The following FHIT variants were observed in gnomAD, a reference collection of about 807,000 sequenced individuals.
FHIT encodes the protein bis(5'-adenosyl)-triphosphatase.
A neutral mutation model predicts 17.9 loss-of-function variants in FHIT; 19 were observed. The observed-to-expected ratio is 1.06, with a 90% CI of 0.74 to 1.56. The LOEUF is 1.56. Ranked by LOEUF, FHIT falls within the 40% of genes most tolerant of loss-of-function variation. The pLI is 0.00. For missense variants in FHIT, 248 were observed against 189.2 expected, an observed-to-expected ratio of 1.31 and a Z score of -1.82; for synonymous variants, 81 against 69.7, an observed-to-expected ratio of 1.16 and a Z score of -0.81.
chr3:60,750,916 C>G (rs190266222), intron 4 of FHIT, among the ~76,000 whole-genome samples: 1 of 152,324 alleles, frequency 6.6e-6, no homozygotes, highest in Non-Finnish European at 1.5e-5. Flanking sequence ...AATCCCACCC[C>G]TCTTAATACT....
At position 60,239,622 on chromosome 3, in the gene FHIT, G is replaced by C. The variant is rs543189836; in HGVS notation, c.104-225470C>G. 6.4e-4 allele frequency among the ~76,000 whole-genome samples: 98 copies of C among 152,228 alleles called. 1 individual carries two copies. The highest frequency in any genetic ancestry group is 6.8e-3 in the Middle Eastern group (2 of 294). ...ATGAAAAATAAGTGAAGAGGCTTTA[G>C]AGTTCCTAGGATCTCCACTGGATTT... On this transcript the variant is annotated intron_variant, in intron 5 of 9. Coordinates refer to ENST00000492590, the MANE Select transcript of FHIT (RefSeq NM_002012.4).
intron 7 of FHIT, among the ~76,000 whole-genome samples, chr3:60,010,644 A>G (rs957675415): frequency 2.6e-5 from 4 of 152,226 alleles, no homozygotes; most frequent in Non-Finnish European, 5.9e-5. Flanking sequence ...ACTTAGGTGC[A>G]GAATCTACCC....
chr3:59,967,718 C>A (rs1175702540), intron 7 of FHIT, among the ~76,000 whole-genome samples: 1 of 151,968 alleles, frequency 6.6e-6, no homozygotes, highest in African/African-American at 2.4e-5. Context: ...TGGATAAGCC[C>A]AGTAGATCCA....
At chr3:60,150,152 C>G (rs1013547495) in intron 5 of FHIT, among the ~76,000 whole-genome samples, 1 of 151,682 alleles carries the variant, frequency 6.6e-6, no homozygotes, top group Non-Finnish European at 1.5e-5. Flanking sequence ...ATGCGCCCCC[C>G]ACGCCCGGCT....
intron 5 of FHIT, among the ~76,000 whole-genome samples, chr3:60,387,020 A>ATTTTTTTTTT (rs1701038031): frequency 1.4e-5 from 1 of 70,792 alleles, no homozygotes; most frequent in African/African-American, 4.3e-5. Flanking sequence ...AATTCTATTT[A>ATTTTTTTTTT]TTCTTTTTTT....
intron 5 of FHIT, among the ~76,000 whole-genome samples, chr3:60,173,983 G>A (rs1289856710): frequency 7.1e-6 from 1 of 139,884 alleles, no homozygotes; most frequent in African/African-American, 2.7e-5. Flanking sequence ...GCGCGATCTT[G>A]GTTCACTGCA....
chr3:60,094,676 C>T (rs1703866273), intron 5 of FHIT, among the ~76,000 whole-genome samples: 1 of 152,108 alleles, frequency 6.6e-6, no homozygotes, highest in African/African-American at 2.4e-5. Context: ...TCATTTTCCC[C>T]TACACCTTGA....
intron 7 of FHIT, among the ~76,000 whole-genome samples, chr3:59,935,970 A>C (rs1252691061): frequency 6.6e-6 from 1 of 152,186 alleles, no homozygotes; most frequent in Non-Finnish European, 1.5e-5. Flanking sequence ...CCCACTGAAA[A>C]GTATCTTTTT....
chr3:61,031,150 G>C (rs1393852885), intron 3 of FHIT, among the ~76,000 whole-genome samples: 1 of 152,116 alleles, frequency 6.6e-6, no homozygotes, highest in East Asian at 1.9e-4. Flanking sequence ...TTAATTCAAG[G>C]TCATGTTCAG....
intron 5 of FHIT, among the ~76,000 whole-genome samples, chr3:60,340,320 G>C (rs965987277): frequency 2.0e-5 from 3 of 152,090 alleles, no homozygotes; most frequent in African/African-American, 7.2e-5. Flanking sequence ...GGCTTTCTTT[G>C]GTGACTCTTC....
At chr3:59,894,053 G>C (rs1703963423) in intron 8 of FHIT, among the ~76,000 whole-genome samples, 2 of 152,158 alleles carry the variant, frequency 1.3e-5, no homozygotes, top group South Asian at 2.1e-4. Context: ...GATCACTTTA[G>C]ACCAGCCTGG....
chr3:60,479,682 T>C (rs2033516303), intron 5 of FHIT, among the ~76,000 whole-genome samples: 1 of 152,216 alleles, frequency 6.6e-6, no homozygotes, highest in South Asian at 2.1e-4. Flanking sequence ...TGAGCATTAC[T>C]GCCTGAGCTC....
At chr3:59,999,095 G>C (rs540897639) in intron 7 of FHIT, among the ~76,000 whole-genome samples, 2 of 152,150 alleles carry the variant, frequency 1.3e-5, no homozygotes, top group South Asian at 2.1e-4. Flanking sequence ...ATAATCCATT[G>C]ATGTCCCTGA....
intron 5 of FHIT, among the ~76,000 whole-genome samples, chr3:60,136,208 C>A (rs77632034): frequency 6.6e-6 from 1 of 152,100 alleles, no homozygotes; most frequent in Non-Finnish European, 1.5e-5. Context: ...TGGCACAACA[C>A]AAGGAGAGGA....
At chr3:61,204,872 G>A (rs561902565) in intron 1 of FHIT, among the ~76,000 whole-genome samples, 11 of 152,026 alleles carry the variant, frequency 7.2e-5, no homozygotes, top group East Asian at 3.9e-4. Context: ...TGTGCACAAC[G>A]TGCAAGTTTG....
intron 5 of FHIT, among the ~76,000 whole-genome samples, chr3:60,330,710 G>T (rs1303512122): frequency 6.6e-6 from 1 of 152,186 alleles, no homozygotes; most frequent in Non-Finnish European, 1.5e-5. Context: ...GTTCTTTACA[G>T]AAGTGAAAGA....
At chr3:60,646,421 A>C (rs1290928595) in intron 4 of FHIT, among the ~76,000 whole-genome samples, 5 of 152,204 alleles carry the variant, frequency 3.3e-5, no homozygotes, top group Non-Finnish European at 5.9e-5. Flanking sequence ...GTTAAGTCAG[A>C]TGCCTAATTA....
chr3:60,531,803 A>G (rs2035797043), intron 5 of FHIT, among the ~76,000 whole-genome samples: 1 of 152,322 alleles, frequency 6.6e-6, no homozygotes, highest in South Asian at 2.1e-4. Flanking sequence ...AACACTCAAC[A>G]TGGTAACGGT....
rs1181915724 is a variant in FHIT, at chr3:61,203,349, C to CA, written c.-212-2685dup. ...GGGCAACAAGAGAGAAACTTTTTCTCAAAAAAAAAAAAAGAAAAATTATAT... is the reference window on the plus strand; with the variant it reads ...GGGCAACAAGAGAGAAACTTTTTCTCAAAAAAAAAAAAAAGAAAAATTATAT... On this transcript the variant is annotated intron_variant, in intron 1 of 9. Transcript: ENST00000492590. Among the ~76,000 whole-genome samples the CA allele has an allele frequency of 4.3e-3, 479 of 112,518 alleles. 3 individuals carry two copies. The highest frequency in any genetic ancestry group is 0.011 in the East Asian group (43 of 3,954). 73.8% of individuals were successfully genotyped at this position (112,518 alleles called of 152,430 possible).
Sources: allele counts gnomAD v4.1 joint callset (sites outside exome capture counted in the v4.1 genomes callset), GRCh38; gene constraint gnomAD v4.1.1; transcripts MANE v1.5; gene names NCBI Gene and HGNC (gene_info 2026-07-23, HGNC 2026-07-21).